Variants in MAP2K4 observed in about 807,000 individuals in gnomAD.
MAP2K4 encodes mitogen-activated protein kinase kinase 4.
MAP2K4 carries 4 observed loss-of-function variants against 48.5 expected under a neutral mutation model. That is an observed-to-expected ratio of 0.08 (90% CI 0.04 to 0.19). The LOEUF is 0.19. MAP2K4 is among the 10% of genes least tolerant of loss of function. The probability of loss-of-function intolerance (pLI) is 1.00; values close to 1 mark genes in which losing one functional copy is unlikely to be tolerated. For missense variants in MAP2K4, 258 were observed against 493.3 expected, an observed-to-expected ratio of 0.52 and a Z score of 4.52; for synonymous variants, 166 against 173.1, an observed-to-expected ratio of 0.96 and a Z score of 0.32.
intron 2 of MAP2K4, among the ~76,000 whole-genome samples, chr17:12,074,607 G>A (rs1970933472): frequency 6.6e-6 from 1 of 152,148 alleles, no homozygotes; most frequent in Non-Finnish European, 1.5e-5. Flanking sequence ...TTATTCTTCA[G>A]GCTTGTATAG....
At position 12,044,474 on chromosome 17, in the gene MAP2K4, TA is replaced by T. The variant is rs545300958; in HGVS notation, c.116-10413del. On this transcript the variant is annotated intron_variant, in intron 1 of 10. Coordinates refer to ENST00000353533, the MANE Select transcript of MAP2K4 (RefSeq NM_003010.4). ...CAGTCTGGCTTTCTTGTATAGTTAATAACATTATTACTTATAACATTATAAA... is the reference window on the plus strand; with the variant it reads ...CAGTCTGGCTTTCTTGTATAGTTAATACATTATTACTTATAACATTATAAA... Among the ~76,000 whole-genome samples, 26 of 152,360 alleles carry T rather than the reference TA, an allele frequency of 1.7e-4. No homozygotes were observed. In the South Asian group the frequency reaches 5.0e-3, roughly 29 times the overall value.
At chr17:12,137,817 T>C (rs1445486803) in intron 9 of MAP2K4, among the ~76,000 whole-genome samples, 1 of 152,062 alleles carries the variant, frequency 6.6e-6, no homozygotes, top group African/African-American at 2.4e-5. Flanking sequence ...TAAATATAAA[T>C]TTAAAAGTAA....
intron 3 of MAP2K4, among the ~76,000 whole-genome samples, chr17:12,088,464 A>AAT (rs1293900993): frequency 7.6e-5 from 8 of 105,878 alleles, no homozygotes; most frequent in East Asian, 2.7e-4. Flanking sequence ...AATATTATAC[A>AAT]ATATTAAATA....
At position 12,107,848 on chromosome 17, in the gene MAP2K4, A is replaced by G. The variant is rs150905259; in HGVS notation, c.572A>G (p.Tyr191Cys). 1.6e-5 allele frequency: 25 copies of G among 1,606,008 alleles called. No homozygotes were observed. The highest frequency in any genetic ancestry group is 3.4e-4 in the Middle Eastern group (2 of 5,798). Residue 191 changes from tyrosine (Y) to cysteine (C), a missense_variant, in exon 5 of 11, where the codon TAT (tyrosine) becomes TGT (cysteine). By Grantham distance (194) the Tyr-to-Cys change is radical. Transcript: ENST00000353533. Reference protein sequence around the residue: ...MSTSFDKFYKYVYSVLDDVIP... With the variant: ...MSTSFDKFYKCVYSVLDDVIP... ...ACCTCGTTTGATAAGTTTTACAAAT[A>G]TGTATATAGTGTATTAGATGATGTT...
At chr17:12,044,846 G>C (rs1969909698) in intron 1 of MAP2K4, among the ~76,000 whole-genome samples, 1 of 152,168 alleles carries the variant, frequency 6.6e-6, no homozygotes, top group Non-Finnish European at 1.5e-5. Flanking sequence ...CCCTCCTTTG[G>C]GGTTAATTAA....
chr17:12,025,568 A>G (rs918064121), intron 1 of MAP2K4, among the ~76,000 whole-genome samples: 1 of 152,220 alleles, frequency 6.6e-6, no homozygotes, highest in Non-Finnish European at 1.5e-5. Flanking sequence ...AGAAATAGTT[A>G]GAAAGTATAT....
At chr17:12,034,978 G>A (rs182089691) in intron 1 of MAP2K4, among the ~76,000 whole-genome samples, 172 of 152,312 alleles carry the variant, frequency 1.1e-3, no homozygotes, top group Non-Finnish European at 2.0e-3. Flanking sequence ...AGGGAGGGGA[G>A]CTGGAGACTT....
intron 2 of MAP2K4, among the ~76,000 whole-genome samples, chr17:12,076,623 A>G (rs918254314): frequency 6.6e-6 from 1 of 152,176 alleles, no homozygotes; most frequent in African/African-American, 2.4e-5. Context: ...TTCATGCCCT[A>G]TATTAAGTAT....
chr17:12,073,586 ATCT>A (rs1002315259), intron 2 of MAP2K4, among the ~76,000 whole-genome samples: 11 of 152,134 alleles, frequency 7.2e-5, no homozygotes, highest in African/African-American at 2.2e-4. Flanking sequence ...CCCAAGGATA[ATCT>A]TCTTTTTCTT....
At chr17:12,028,976 T>G (rs1969344809) in intron 1 of MAP2K4, among the ~76,000 whole-genome samples, 1 of 152,242 alleles carries the variant, frequency 6.6e-6, no homozygotes, top group African/African-American at 2.4e-5. Context: ...TGACTTCAGT[T>G]TCACAGTTGG....
intron 6 of MAP2K4, among the ~76,000 whole-genome samples, chr17:12,112,561 T>A (rs893209711): frequency 1.3e-5 from 2 of 152,142 alleles, no homozygotes; most frequent in African/African-American, 4.8e-5. Context: ...TACTGAATTT[T>A]TTTGTGGATC....
At chr17:12,050,148 A>T (rs1157395652) in intron 1 of MAP2K4, among the ~76,000 whole-genome samples, 1 of 152,196 alleles carries the variant, frequency 6.6e-6, no homozygotes, top group Admixed American at 6.5e-5. Flanking sequence ...GATTCTGACC[A>T]TACAGGTAAC....
intron 9 of MAP2K4, among the ~76,000 whole-genome samples, chr17:12,136,168 T>C (rs1442202244): frequency 6.6e-6 from 1 of 151,764 alleles, no homozygotes; most frequent in Non-Finnish European, 1.5e-5. Flanking sequence ...AAAAATAAAG[T>C]CAAGTGGAAT....
intron 3 of MAP2K4, among the ~76,000 whole-genome samples, chr17:12,090,758 A>G (rs1971536646): frequency 6.6e-6 from 1 of 152,246 alleles, no homozygotes. Context: ...TATCTGAGTA[A>G]GAAGGGAATA....
chr17:12,114,837 C>G (rs1050225228), intron 7 of MAP2K4, among the ~76,000 whole-genome samples: 1 of 152,148 alleles, frequency 6.6e-6, no homozygotes, highest in Non-Finnish European at 1.5e-5. Flanking sequence ...TTTCGTCATT[C>G]TTGTGCAGAG....
intron 2 of MAP2K4, among the ~76,000 whole-genome samples, chr17:12,071,182 A>G (rs1188884859): frequency 1.3e-5 from 2 of 152,068 alleles, no homozygotes; most frequent in African/African-American, 4.8e-5. Flanking sequence ...TGAGATCTTT[A>G]ATTTTATCCG....
intron 3 of MAP2K4, among the ~76,000 whole-genome samples, chr17:12,086,708 T>C (rs1971375891): frequency 6.6e-6 from 1 of 152,180 alleles, no homozygotes; most frequent in East Asian, 1.9e-4. Context: ...TCATTATATG[T>C]TTTTGAACAT....
chr17:12,130,382 T>G (rs149614314), intron 9 of MAP2K4, among the ~76,000 whole-genome samples: 1 of 152,326 alleles, frequency 6.6e-6, no homozygotes, highest in East Asian at 1.9e-4. Flanking sequence ...TCTGTACTAA[T>G]TTGCACACAG....
chr17:12,050,353 T>C (rs1597413168), intron 1 of MAP2K4, among the ~76,000 whole-genome samples: 1 of 152,216 alleles, frequency 6.6e-6, no homozygotes, highest in East Asian at 1.9e-4. Context: ...ATCAAGATAG[T>C]TAAAAATTTA....
Sources: allele counts gnomAD v4.1 joint callset (sites outside exome capture counted in the v4.1 genomes callset), GRCh38; gene constraint gnomAD v4.1.1; transcripts MANE v1.5; gene names NCBI Gene and HGNC (gene_info 2026-07-23, HGNC 2026-07-21).